Variants in TRHDE observed in about 807,000 individuals in gnomAD.
TRHDE encodes thyrotropin releasing hormone degrading enzyme.
Under a neutral mutation model 125.7 loss-of-function variants are expected in TRHDE, and 72 were observed. The ratio of observed to expected loss-of-function variants is 0.57; its 90% confidence interval spans 0.47 to 0.70. TRHDE has a LOEUF of 0.70. TRHDE is among the 30% of genes least tolerant of loss of function. The probability of loss-of-function intolerance (pLI) is 0.00; values close to 1 mark genes in which losing one functional copy is unlikely to be tolerated. For missense variants in TRHDE, 1,110 were observed against 1,327.1 expected (o/e 0.84, Z 2.54); for synonymous variants, 509 against 509.1 (o/e 1.00, Z 0.00).
At chr12:72,560,079 C>CTTAA (rs1340453935) in intron 7 of TRHDE, among the ~76,000 whole-genome samples, 1 of 151,708 alleles carries the variant, frequency 6.6e-6, no homozygotes, top group Non-Finnish European at 1.5e-5. Context: ...GCAGAATTTT[C>CTTAA]TTAATTCAAG....
intron 2 of TRHDE, among the ~76,000 whole-genome samples, chr12:72,337,045 G>A (rs1478508722): frequency 6.6e-6 from 1 of 152,132 alleles, no homozygotes; most frequent in Non-Finnish European, 1.5e-5. Flanking sequence ...AAATTGCCAG[G>A]TGATTTGTAT....
intron 2 of TRHDE, among the ~76,000 whole-genome samples, chr12:72,177,401 T>C (rs193197329): frequency 2.0e-5 from 3 of 152,260 alleles, no homozygotes; most frequent in Admixed American, 1.3e-4. Context: ...TTCAGGCCAT[T>C]CAGTGGCATT....
chr12:72,596,853 A>C (rs1254369284), intron 12 of TRHDE, among the ~76,000 whole-genome samples: 2 of 152,248 alleles, frequency 1.3e-5, no homozygotes, highest in African/African-American at 4.8e-5. Flanking sequence ...CATTTTAAAA[A>C]ATCAGCATGA....
intron 2 of TRHDE, among the ~76,000 whole-genome samples, chr12:72,323,899 G>A (rs952479805): frequency 4.6e-5 from 7 of 152,052 alleles, no homozygotes; most frequent in African/African-American, 1.7e-4. Context: ...GATGGCAGCA[G>A]AGAAGTAGAC....
At chr12:72,632,397 A>T (rs1467100065) in intron 15 of TRHDE, among the ~76,000 whole-genome samples, 1 of 151,962 alleles carries the variant, frequency 6.6e-6, no homozygotes, top group Non-Finnish European at 1.5e-5. Flanking sequence ...AAAGCCAAGG[A>T]TAAGAGGCAG....
At chr12:72,416,139 G>C (rs1389900334) in intron 3 of TRHDE, among the ~76,000 whole-genome samples, 1 of 151,956 alleles carries the variant, frequency 6.6e-6, no homozygotes, top group Non-Finnish European at 1.5e-5. Context: ...GCATTTCTCA[G>C]ATGATTAGTG....
chr12:72,324,868 T>A (rs181819724), intron 2 of TRHDE, among the ~76,000 whole-genome samples: 2 of 152,286 alleles, frequency 1.3e-5, no homozygotes, highest in African/African-American at 4.8e-5. Flanking sequence ...ATAACTATAC[T>A]TAAATGATGT....
At chr12:72,136,559 AC>A (rs2139311468) in intron 2 of TRHDE, among the ~76,000 whole-genome samples, 1 of 152,388 alleles carries the variant, frequency 6.6e-6, no homozygotes, top group Admixed American at 6.5e-5. Context: ...TAATTAGGGT[AC>A]ACATAATGTT....
Position 72,462,933 on chromosome 12 carries a change from A to G in TRHDE, c.1316-6825A>G, listed in dbSNP as rs368359874. Among the ~76,000 whole-genome samples the G allele has an allele frequency of 1.2e-4, 19 of 152,350 alleles. No homozygotes were observed. In the East Asian group the frequency reaches 2.7e-3, roughly 22 times the overall value. ...TCTGCTGGAACAGAGTAAGGACTCA[A>G]CAAACTTTACTGAGTGAGTGAATGA... On this transcript the variant is annotated intron_variant, in intron 3 of 18. Transcript: ENST00000261180.
chr12:72,321,896 CT>C (rs1441894386), intron 2 of TRHDE, among the ~76,000 whole-genome samples: 3 of 151,978 alleles, frequency 2.0e-5, no homozygotes, highest in African/African-American at 4.8e-5. Flanking sequence ...CACACACCCC[CT>C]AAGAGTCCTA....
intron 2 of TRHDE, among the ~76,000 whole-genome samples, chr12:72,227,958 C>T (rs1317631267): frequency 6.6e-6 from 1 of 152,178 alleles, no homozygotes; most frequent in African/African-American, 2.4e-5. Context: ...GCAGCTCTGC[C>T]CCTGTGGCTT....
chr12:72,194,692 C>T (rs956222444), intron 2 of TRHDE, among the ~76,000 whole-genome samples: 3 of 152,116 alleles, frequency 2.0e-5, no homozygotes, highest in African/African-American at 7.2e-5. Context: ...ATCCACATTG[C>T]TGCGAAGGAC....
intron 2 of TRHDE, among the ~76,000 whole-genome samples, chr12:72,168,935 C>A (rs1426586111): frequency 6.6e-6 from 1 of 152,056 alleles, no homozygotes; most frequent in Admixed American, 6.6e-5. Flanking sequence ...AGAAAAGAGA[C>A]CTTTAATAAG....
At chr12:72,587,502 T>C (rs1342151974) in intron 12 of TRHDE, among the ~76,000 whole-genome samples, 2 of 152,118 alleles carry the variant, frequency 1.3e-5, no homozygotes, top group African/African-American at 4.8e-5. Flanking sequence ...TGAAAGTAAG[T>C]AGATCTAAAA....
At chr12:72,623,893 C>T (rs1284907576) in intron 15 of TRHDE, among the ~76,000 whole-genome samples, 11 of 151,968 alleles carry the variant, frequency 7.2e-5, no homozygotes, top group Non-Finnish European at 1.6e-4. Flanking sequence ...GGTAACTCTG[C>T]CACTTATCTG....
intron 3 of TRHDE, among the ~76,000 whole-genome samples, chr12:72,452,767 T>C (rs1245894156): frequency 1.3e-5 from 2 of 151,972 alleles, no homozygotes; most frequent in Admixed American, 1.3e-4. Context: ...ATCTGGTCAT[T>C]TAAAATCATG....
intron 9 of TRHDE, among the ~76,000 whole-genome samples, chr12:72,565,848 A>C (rs1036491821): frequency 6.6e-6 from 1 of 152,170 alleles, no homozygotes; most frequent in African/African-American, 2.4e-5. Flanking sequence ...AGGAACTGTT[A>C]AAGAAAAAAA....
rs189157935 is a variant in TRHDE, at chr12:72,509,280, G to A, written c.1722+9645G>A. 6.3e-3 allele frequency among the ~76,000 whole-genome samples: 924 copies of A among 146,180 alleles called. 30 individuals are homozygous for A. Among genetic ancestry groups the A allele is most frequent in the Non-Finnish European group, 1.7e-3 (117 of 66,914 alleles). On this transcript the variant is annotated intron_variant, in intron 6 of 18. Transcript: ENST00000261180. Reference sequence around the variant, plus strand: ...TCCATAATAACCACCGCACCCCCCCGCACACACAAAATGATAATAAAAGAC... The same window carrying A: ...TCCATAATAACCACCGCACCCCCCCACACACACAAAATGATAATAAAAGAC...
At chr12:72,304,497 G>A (rs1317458570) in intron 2 of TRHDE, among the ~76,000 whole-genome samples, 1 of 152,068 alleles carries the variant, frequency 6.6e-6, no homozygotes, top group East Asian at 1.9e-4. Context: ...AGCTTCACAG[G>A]AAATCTGATT....
Sources: allele counts gnomAD v4.1 joint callset (sites outside exome capture counted in the v4.1 genomes callset), GRCh38; gene constraint gnomAD v4.1.1; transcripts MANE v1.5; gene names NCBI Gene and HGNC (gene_info 2026-07-23, HGNC 2026-07-21).